GSE1: variants seen among roughly 807,000 people sequenced by gnomAD.
The protein encoded by GSE1 is Gse1 coiled-coil protein, also known as genetic suppressor element 1.
A neutral mutation model predicts 112.6 loss-of-function variants in GSE1; 32 were observed. The observed-to-expected ratio is 0.28, with a 90% confidence interval of 0.21 to 0.38. The LOEUF is 0.38. Ranked by LOEUF, GSE1 falls within the 10% of genes least tolerant of loss-of-function variation. The pLI is 1.00. For synonymous variants in GSE1, 1,115 were observed against 735.6 expected (o/e 1.52, Z -8.35); for missense variants, 2,348 against 1,699.2 (o/e 1.38, Z -6.71).
rs1029281148 is a variant in GSE1, at chr16:85,313,871, C to T, written c.2284-43592C>T. Among the ~76,000 whole-genome samples the T allele has an allele frequency of 3.9e-5, 6 of 152,232 alleles. 1 individual carries two copies. In the South Asian group the frequency reaches 8.3e-4, roughly 21 times the overall value. On this transcript the variant is annotated intron_variant, in intron 1 of 2. Transcript: ENST00000637419. Reference sequence around the variant, plus strand: ...GGCCGGAGGACCCAAGATACATGAACAGCAAATGCATCCTGGGGTGATGTG... The same window carrying T: ...GGCCGGAGGACCCAAGATACATGAATAGCAAATGCATCCTGGGGTGATGTG...
At position 85,176,462 on chromosome 16, in the gene GSE1, C is replaced by T. The variant is rs151163693; in HGVS notation, c.2283+4655C>T. ...CTTTGCTTACTGAGCAGTGGTGCCC[C>T]GTGCCTTGGCTTCCCCAGTGTGGAC... On this transcript the variant is annotated intron_variant, in intron 1 of 2. Transcript: ENST00000637419. Among the ~76,000 whole-genome samples the T allele has an allele frequency of 5.4e-3, 819 of 152,364 alleles. 4 individuals are homozygous for T. Among genetic ancestry groups the T allele is most frequent in the Middle Eastern group, 0.017 (5 of 294 alleles).
chr16:85,503,540 G>A (rs1250257304), intron 2 of GSE1, among the ~76,000 whole-genome samples: 1 of 152,140 alleles, frequency 6.6e-6, no homozygotes, highest in Non-Finnish European at 1.5e-5. Context: ...GGCCCTGCTG[G>A]TAATTACGGC....
At chr16:85,587,643 G>A (rs2151417916) in intron 1 of GSE1, among the ~76,000 whole-genome samples, 1 of 152,254 alleles carries the variant, frequency 6.6e-6, no homozygotes, top group South Asian at 2.1e-4. Context: ...AGCAGAGGCT[G>A]GAGTATGGGT....
At chr16:85,322,156 C>G (rs1450392099) in intron 1 of GSE1, among the ~76,000 whole-genome samples, 1 of 152,242 alleles carries the variant, frequency 6.6e-6, no homozygotes, top group Non-Finnish European at 1.5e-5. Flanking sequence ...GTGTTGTTTC[C>G]AAGTTCAACA....
chr16:85,461,939 G>A (rs2049980417), intron 2 of GSE1, among the ~76,000 whole-genome samples: 4 of 152,168 alleles, frequency 2.6e-5, no homozygotes, highest in African/African-American at 7.2e-5. Flanking sequence ...GGCTCTCAGC[G>A]CAGCTTGATT....
intron 2 of GSE1, among the ~76,000 whole-genome samples, chr16:85,516,457 C>CAAAAAAAAAA (rs71151299): frequency 2.9e-5 from 2 of 69,442 alleles, no homozygotes; most frequent in Non-Finnish European, 6.0e-5. Context: ...CCCATCTCTA[C>CAAAAAAAAAA]AAAAAAAAAA....
chr16:85,355,243 C>CA (rs1567708329), intron 1 of GSE1, among the ~76,000 whole-genome samples: 14 of 148,702 alleles, frequency 9.4e-5, no homozygotes, highest in African/African-American at 3.6e-4. Flanking sequence ...AAACAAAAAA[C>CA]CGGATCAACA....
intron 1 of GSE1, among the ~76,000 whole-genome samples, chr16:85,620,848 G>C (rs1306658368): frequency 6.6e-6 from 1 of 152,106 alleles, no homozygotes; most frequent in African/African-American, 2.4e-5. Flanking sequence ...GATGGTCTTG[G>C]CCATGGGTGT....
chr16:85,388,026 GGATGGATGAACA>G (rs2047728701), intron 2 of GSE1, among the ~76,000 whole-genome samples: 9 of 150,542 alleles, frequency 6.0e-5, no homozygotes, highest in South Asian at 2.1e-4. Flanking sequence ...ATGGATGGAT[GGATGGATGAACA>G]GATGGATGGG....
intron 2 of GSE1, among the ~76,000 whole-genome samples, chr16:85,521,232 G>T (rs1024309617): frequency 1.3e-5 from 2 of 152,348 alleles, no homozygotes; most frequent in East Asian, 1.9e-4. Context: ...GGCGCCAGGC[G>T]TGGGAGCTGG....
At chr16:85,236,436 T>G (rs540911887) in intron 1 of GSE1, among the ~76,000 whole-genome samples, 12 of 152,350 alleles carry the variant, frequency 7.9e-5, no homozygotes, top group Admixed American at 7.2e-4. Context: ...CTCTGAGACT[T>G]GGGGTCCCAC....
chr16:85,285,367 T>TGTAC (rs2044989625), intron 1 of GSE1: 1 of 152,208 alleles, frequency 6.6e-6, no homozygotes, highest in Non-Finnish European at 1.5e-5. Context: ...GCAGCAGGGT[T>TGTAC]ACCTCCTTAA....
intron 1 of GSE1, among the ~76,000 whole-genome samples, chr16:85,614,105 G>A (rs1333141003): frequency 1.1e-5 from 1 of 93,696 alleles, no homozygotes; most frequent in Non-Finnish European, 2.0e-5. Context: ...CCCCGCAGAA[G>A]ATGGCTGCCC....
upstream of GSE1, chr16:85,555,536 G>T: frequency 1.0e-6 from 1 of 983,414 alleles, no homozygotes; most frequent in South Asian, 4.7e-5. Context: ...TGGCTGTTTG[G>T]GTATTAATTT....
chr16:85,656,212 C>G (rs2051914795), intron 6 of GSE1, 131 bp from the exon 7 acceptor site: 2 of 1,178,528 alleles, frequency 1.7e-6, no homozygotes, highest in Non-Finnish European at 1.2e-6. Flanking sequence ...CCAGTGAAAC[C>G]CGGCTCACCT....
chr16:85,439,678 A>G (rs1380196909), intron 2 of GSE1, among the ~76,000 whole-genome samples: 1 of 152,202 alleles, frequency 6.6e-6, no homozygotes, highest in Non-Finnish European at 1.5e-5. Context: ...ACACACAGAC[A>G]TGCATGTGCA....
intron 1 of GSE1, among the ~76,000 whole-genome samples, chr16:85,192,814 G>T (rs1467093018): frequency 6.6e-6 from 1 of 152,146 alleles, no homozygotes; most frequent in Non-Finnish European, 1.5e-5. Context: ...AGGAGAGAAG[G>T]CGATGGGGTC....
At chr16:85,463,418 G>A (rs369048139) in intron 2 of GSE1, among the ~76,000 whole-genome samples, 2 of 152,352 alleles carry the variant, frequency 1.3e-5, no homozygotes, top group East Asian at 1.9e-4. Context: ...CTCAGACCCC[G>A]TGTAGGGAAG....
chr16:85,485,145 C>T (rs908894024), intron 2 of GSE1, among the ~76,000 whole-genome samples: 3 of 152,062 alleles, frequency 2.0e-5, no homozygotes, highest in African/African-American at 4.8e-5. Context: ...TGGAACATTC[C>T]GGGCAGCGTT....
Sources: gnomAD v4.1 joint callset for allele counts (sites outside exome capture counted in the v4.1 genomes callset) on GRCh38, gnomAD v4.1.1 for gene constraint, MANE v1.5 for transcripts, NCBI Gene and HGNC (gene_info 2026-07-23, HGNC 2026-07-21) for gene names.